The following SFI1 variants were observed in gnomAD, a reference collection of about 807,000 sequenced individuals.
SFI1 encodes the protein protein SFI1 homolog.
SFI1 carries 195 observed loss-of-function variants against 207.5 expected under a neutral mutation model. The ratio of observed to expected loss-of-function variants is 0.94; its 90% CI spans 0.84 to 1.06. The LOEUF (loss-of-function observed/expected upper bound fraction) is 1.06, where lower values mean the gene tolerates loss of function less well. SFI1 is among the 50% of genes least tolerant of loss of function. The probability of loss-of-function intolerance (pLI) is 0.00; values close to 1 mark genes in which losing one functional copy is unlikely to be tolerated. For synonymous variants in SFI1, 630 were observed against 598.9 expected (o/e 1.05, Z -0.76); for missense variants, 1,634 against 1,588.0 (o/e 1.03, Z -0.49).
intron 17 of SFI1, 28 bp downstream of exon 17, chr22:31,602,813 C>G (rs776486509): frequency 5.0e-6 from 8 of 1,604,356 alleles, no homozygotes; most frequent in Admixed American, 1.7e-5. Context: ...CCTTACAAGC[C>G]TTTCCATCAC....
At chr22:31,561,853 G>C (rs2061738241) in intron 8 of SFI1, among the ~76,000 whole-genome samples, 1 of 152,138 alleles carries the variant, frequency 6.6e-6, no homozygotes, top group Admixed American at 6.6e-5. Flanking sequence ...AATGGCTAAG[G>C]CCTGTACTAA....
chr22:31,580,290 C>G lies in SFI1; in HGVS notation c.1174C>G (p.Leu392Val), dbSNP rs1170893089. 1 of 1,613,786 alleles carries G rather than the reference C, an allele frequency of 6.2e-7. No homozygotes were observed. The highest frequency in any genetic ancestry group is 2.2e-5 in the East Asian group (1 of 44,876). Reference sequence around the variant, plus strand: ...TGCACAGTATTTTTGCTTTAGAGCCCTAAAAGACAATGTGACCCACGCTCA... The same window carrying G: ...TGCACAGTATTTTTGCTTTAGAGCCGTAAAAGACAATGTGACCCACGCTCA... Reference protein sequence around the residue: ...HSQLYFCFRALKDNVTHAHLQ... With the variant: ...HSQLYFCFRAVKDNVTHAHLQ... The change falls in exon 12 of 33, where the codon CTA becomes GTA. Residue 392 changes from leucine to valine, a missense_variant. Coordinates refer to ENST00000400288, the MANE Select transcript of SFI1 (RefSeq NM_001007467.3).
chr22:31,581,959 A>G, intron 12 of SFI1, among the ~76,000 whole-genome samples: 1 of 151,766 alleles, frequency 6.6e-6, no homozygotes. Flanking sequence ...CAATGTCATT[A>G]TCATCCCTAA....
At chr22:31,526,091 G>T (rs1953354714) in intron 2 of SFI1, among the ~76,000 whole-genome samples, 1 of 152,130 alleles carries the variant, frequency 6.6e-6, no homozygotes, top group South Asian at 2.1e-4. Context: ...TGGATTTAGA[G>T]ACTTAATTAG....
intron 7 of SFI1, among the ~76,000 whole-genome samples, chr22:31,560,277 T>C (rs1253775762): frequency 6.6e-6 from 1 of 151,158 alleles, no homozygotes; most frequent in Non-Finnish European, 1.5e-5. Flanking sequence ...AAAACAAGAC[T>C]GAAACAAAAG....
chr22:31,502,565 G>C (rs2053970383), intron 1 of SFI1, among the ~76,000 whole-genome samples: 1 of 151,812 alleles, frequency 6.6e-6, no homozygotes, highest in African/African-American at 2.4e-5. Flanking sequence ...TTAGAGACGG[G>C]GTTTCACCAT....
At chr22:31,549,155 G>A (rs1471550356) in intron 5 of SFI1, among the ~76,000 whole-genome samples, 2 of 151,650 alleles carry the variant, frequency 1.3e-5, no homozygotes, top group Non-Finnish European at 2.9e-5. Flanking sequence ...AGGAGTGGTG[G>A]TGCGTTCCTG....
chr22:31,535,855 G>A (rs1022506357), intron 4 of SFI1, among the ~76,000 whole-genome samples: 1 of 152,078 alleles, frequency 6.6e-6, no homozygotes, highest in African/African-American at 2.4e-5. Context: ...TTCTGCCTCT[G>A]CCTCCCAAGT....
intron 4 of SFI1, among the ~76,000 whole-genome samples, chr22:31,533,568 G>T (rs978277870): frequency 6.5e-5 from 6 of 92,294 alleles, no homozygotes; most frequent in Non-Finnish European, 1.3e-4. Flanking sequence ...CAGCTTCAAA[G>T]AAAAAGAAAC....
At chr22:31,593,376 G>A (rs1410600740) in intron 15 of SFI1, among the ~76,000 whole-genome samples, 6 of 138,356 alleles carry the variant, frequency 4.3e-5, no homozygotes, top group Non-Finnish European at 9.5e-5. Context: ...GGGCAGAGGC[G>A]CTCCCCACAT....
intron 1 of SFI1, among the ~76,000 whole-genome samples, chr22:31,503,888 C>T (rs2054225121): frequency 6.7e-6 from 1 of 149,516 alleles, no homozygotes; most frequent in Admixed American, 6.8e-5. Context: ...TGTCCTCGGC[C>T]ATGTTTTGTA....
chr22:31,530,800 C>A (rs905101451), intron 3 of SFI1: 1 of 491,046 alleles, frequency 2.0e-6, no homozygotes, highest in East Asian at 3.9e-5. Flanking sequence ...TCCTGTACCT[C>A]ATTTTTGAAG....
In SFI1 at chr22:31,615,071, G is replaced by A; in HGVS notation, c.3092G>A (p.Gly1031Asp). 1 of 1,609,576 alleles carries A rather than the reference G, an allele frequency of 6.2e-7. No homozygotes were observed. Among genetic ancestry groups the A allele is most frequent in the Non-Finnish European group, 8.5e-7 (1 of 1,178,212 alleles). The change falls in exon 29 of 33, where the codon GGC becomes GAC. Residue 1031 changes from glycine (G) to aspartate (D), a missense_variant. Coordinates refer to ENST00000400288, the MANE Select transcript of SFI1 (RefSeq NM_001007467.3). ...SQRPQKPQEHGLGMAQPAAPS... is the reference protein window; with the variant it reads ...SQRPQKPQEHDLGMAQPAAPS... Reference sequence around the variant, plus strand: ...AGGCCTCAGAAGCCACAGGAACATGGCCTAGGCATGGCTCAGCCAGCAGCC... The same window carrying A: ...AGGCCTCAGAAGCCACAGGAACATGACCTAGGCATGGCTCAGCCAGCAGCC...
At chr22:31,569,112 G>C (rs1367406713) in intron 8 of SFI1, among the ~76,000 whole-genome samples, 2 of 152,106 alleles carry the variant, frequency 1.3e-5, no homozygotes, top group Admixed American at 6.6e-5. Flanking sequence ...TGAGAGAGAA[G>C]CCTTCTTTAT....
At chr22:31,512,731 G>T (rs1462107302) in intron 2 of SFI1, among the ~76,000 whole-genome samples, 2 of 151,628 alleles carry the variant, frequency 1.3e-5, no homozygotes, top group African/African-American at 4.9e-5. Context: ...CTGTTGCCCA[G>T]GCTGGAGTTT....
chr22:31,617,245 G>C (rs2071745076), intron 31 of SFI1, among the ~76,000 whole-genome samples, 167 bp downstream of exon 31: 1 of 152,084 alleles, frequency 6.6e-6, no homozygotes, highest in African/African-American at 2.4e-5. Context: ...TGTCCAGAAA[G>C]ACCCCATCTC....
intron 3 of SFI1, among the ~76,000 whole-genome samples, chr22:31,529,314 G>A (rs1013154087): frequency 3.9e-5 from 6 of 152,236 alleles, no homozygotes; most frequent in East Asian, 3.9e-4. Flanking sequence ...TTGGGAGGCC[G>A]AGGCAGGTGG....
chr22:31,576,282 C>T (rs902715336), intron 10 of SFI1, among the ~76,000 whole-genome samples: 2 of 151,276 alleles, frequency 1.3e-5, no homozygotes, highest in Non-Finnish European at 1.5e-5. Context: ...ACCTCAGCCT[C>T]CCGAAGTGCT....
chr22:31,592,402 G>GA (rs2066124660), intron 15 of SFI1, among the ~76,000 whole-genome samples: 2 of 78,896 alleles, frequency 2.5e-5, no homozygotes, highest in African/African-American at 6.5e-5. Flanking sequence ...TGGCCGGGCA[G>GA]GGGGCTGACC....
Sources: allele counts gnomAD v4.1 joint callset (sites outside exome capture counted in the v4.1 genomes callset), GRCh38; gene constraint gnomAD v4.1.1; transcripts MANE v1.5; gene names NCBI Gene and HGNC (gene_info 2026-07-23, HGNC 2026-07-21).